The following NTM variants were observed in gnomAD, a reference collection of about 807,000 sequenced individuals.
NTM encodes neurotrimin.
Under a neutral mutation model 42.1 loss-of-function variants are expected in NTM, and 13 were observed. That is an observed-to-expected ratio of 0.31 (90% CI 0.20 to 0.49). The LOEUF (loss-of-function observed/expected upper bound fraction) is 0.49. Ranked by LOEUF, NTM falls within the 20% of genes least tolerant of loss-of-function variation. NTM has a pLI of 0.99. For synonymous variants in NTM, 187 were observed against 179.2 expected, an observed-to-expected ratio of 1.04 and a Z score of -0.35; for missense variants, 373 against 452.8, an observed-to-expected ratio of 0.82 and a Z score of 1.60.
At chr11:132,221,271 G>A (rs1040089340) in intron 4 of NTM, among the ~76,000 whole-genome samples, 4 of 152,098 alleles carry the variant, frequency 2.6e-5, no homozygotes, top group African/African-American at 7.2e-5. Flanking sequence ...CAAGAATGTC[G>A]GGGGCTCTCT....
At chr11:132,112,044 C>T in intron 2 of NTM, among the ~76,000 whole-genome samples, 1 of 152,216 alleles carries the variant, frequency 6.6e-6, no homozygotes, top group East Asian at 1.9e-4. Flanking sequence ...GGTCATCCCT[C>T]CCTCTCATTT....
chr11:131,895,451 T>C (rs2052114141), intron 1 of NTM, among the ~76,000 whole-genome samples: 1 of 152,184 alleles, frequency 6.6e-6, no homozygotes, highest in African/African-American at 2.4e-5. Context: ...GGTCATTTTA[T>C]TTCAATGGAT....
chr11:131,566,950 A>G (rs2056952797), intron 1 of NTM, among the ~76,000 whole-genome samples: 2 of 152,154 alleles, frequency 1.3e-5, no homozygotes, highest in South Asian at 4.2e-4. Flanking sequence ...AAGTGAAAGC[A>G]GTTCCTCAGA....
intron 1 of NTM, among the ~76,000 whole-genome samples, chr11:131,402,430 T>C (rs1217057188): frequency 6.6e-6 from 1 of 151,070 alleles, no homozygotes; most frequent in African/African-American, 2.4e-5. Flanking sequence ...AGAATCCTGC[T>C]TGCCCAGTGG....
At chr11:132,268,670 C>CTGTGTGTGTGTGTG (rs780327988) in intron 4 of NTM, among the ~76,000 whole-genome samples, 1 of 146,320 alleles carries the variant, frequency 6.8e-6, no homozygotes, top group African/African-American at 2.6e-5. Context: ...CTCTCTCTCT[C>CTGTGTGTGTGTGTG]TGTGTGTGTG....
At chr11:131,711,524 C>G (rs1163534125) in intron 1 of NTM, among the ~76,000 whole-genome samples, 1 of 152,202 alleles carries the variant, frequency 6.6e-6, no homozygotes, top group Non-Finnish European at 1.5e-5. Context: ...CACTTTTACA[C>G]TGTTGGTGGG....
chr11:131,406,982 T>G (rs1945873041), intron 1 of NTM, among the ~76,000 whole-genome samples: 1 of 152,018 alleles, frequency 6.6e-6, no homozygotes, highest in Non-Finnish European at 1.5e-5. Context: ...TCAAGGTGAT[T>G]AAAACGACTC....
In NTM at chr11:131,395,596, A is replaced by ATGTT. The variant is rs1944462696; in HGVS notation, c.82+24708_82+24709insTGTT. ...TGCCAATCCATTTAATGACACTAAC[A>ATGTT]GGTCATGGCCCCCTTATAGCTCTCC... On this transcript the variant is annotated intron_variant, in intron 1 of 8. Coordinates refer to ENST00000683400, the MANE Select transcript of NTM (RefSeq NM_001352005.2). Among the ~76,000 whole-genome samples the ATGTT allele has an allele frequency of 1.3e-5, 2 of 152,206 alleles. 1 individual carries two copies. The highest frequency in any genetic ancestry group is 4.1e-4 in the South Asian group (2 of 4,830).
At chr11:131,390,493 C>T (rs538024708) in intron 1 of NTM, among the ~76,000 whole-genome samples, 1 of 152,194 alleles carries the variant, frequency 6.6e-6, no homozygotes, top group East Asian at 1.9e-4. Flanking sequence ...AGCACTTGGC[C>T]CCTACACTTG....
At chr11:131,901,778 G>A (rs2053197782) in intron 1 of NTM, among the ~76,000 whole-genome samples, 1 of 152,216 alleles carries the variant, frequency 6.6e-6, no homozygotes, top group Non-Finnish European at 1.5e-5. Flanking sequence ...TTATTCACAT[G>A]CACGTTGACA....
At chr11:132,046,867 CTATT>C (rs2078083577) in intron 2 of NTM, among the ~76,000 whole-genome samples, 1 of 152,204 alleles carries the variant, frequency 6.6e-6, no homozygotes, top group Non-Finnish European at 1.5e-5. Flanking sequence ...TATCTATCAT[CTATT>C]TATAAATCAT....
intron 1 of NTM, among the ~76,000 whole-genome samples, chr11:131,418,814 C>T (rs1342682539): frequency 6.6e-6 from 1 of 152,164 alleles, no homozygotes; most frequent in Non-Finnish European, 1.5e-5. Context: ...TGTCTGTCAG[C>T]TGATGTTTGT....
rs559541612 is a variant in NTM at position 131,442,353 on chromosome 11, T to TAGC, written c.82+71485_82+71487dup. On this transcript the variant is annotated intron_variant, in intron 1 of 8. Coordinates refer to ENST00000683400, the MANE Select transcript of NTM (RefSeq NM_001352005.2). ...TCATCCTCCTCATCGATGACAGCAA[T>TAGC]AGCAGCAGCAGCAGCAGCAGCAATA... Among the ~76,000 whole-genome samples the TAGC allele has an allele frequency of 4.1e-3, 626 of 152,162 alleles. 2 individuals carry two copies. The highest frequency in any genetic ancestry group is 4.9e-3 in the Non-Finnish European group (334 of 67,990).
chr11:131,714,110 G>A (rs2077440887), intron 1 of NTM, among the ~76,000 whole-genome samples: 1 of 152,278 alleles, frequency 6.6e-6, no homozygotes, highest in African/African-American at 2.4e-5. Flanking sequence ...TTGCCTCATA[G>A]GGCACATGCT....
chr11:131,685,092 C>A (rs2073652656), intron 1 of NTM, among the ~76,000 whole-genome samples: 1 of 152,198 alleles, frequency 6.6e-6, no homozygotes, highest in African/African-American at 2.4e-5. Flanking sequence ...ATTTTTAAAA[C>A]AATAGCTTCC....
chr11:132,093,016 C>A (rs549750384), intron 2 of NTM, among the ~76,000 whole-genome samples: 1 of 152,126 alleles, frequency 6.6e-6, no homozygotes, highest in East Asian at 1.9e-4. Context: ...CTAGAAAGAG[C>A]CTTTGAAATG....
At chr11:132,204,153 G>T (rs985143778) in intron 3 of NTM, among the ~76,000 whole-genome samples, 1 of 152,156 alleles carries the variant, frequency 6.6e-6, no homozygotes, top group Non-Finnish European at 1.5e-5. Context: ...ATATCTATTT[G>T]TGGGGTTCAT....
intron 1 of NTM, among the ~76,000 whole-genome samples, chr11:131,724,595 A>G (rs1296728437): frequency 1.3e-5 from 2 of 152,166 alleles, no homozygotes; most frequent in South Asian, 2.1e-4. Context: ...CAGAATCTCA[A>G]GTAGTTTATC....
intron 1 of NTM, among the ~76,000 whole-genome samples, chr11:131,758,695 T>C (rs1565510624): frequency 6.6e-6 from 1 of 151,988 alleles, no homozygotes; most frequent in Non-Finnish European, 1.5e-5. Context: ...CAGGTTCAAA[T>C]GATTCTCCTG....
Sources: gnomAD v4.1 joint callset for allele counts (sites outside exome capture counted in the v4.1 genomes callset) on GRCh38, gnomAD v4.1.1 for gene constraint, MANE v1.5 for transcripts, NCBI Gene and HGNC (gene_info 2026-07-23, HGNC 2026-07-21) for gene names.